DYNC2H1: variants seen among roughly 807,000 people sequenced by gnomAD.
The protein encoded by DYNC2H1 is dynein cytoplasmic 2 heavy chain 1, also known as cytoplasmic dynein 2 heavy chain 1.
In DYNC2H1, 410 loss-of-function variants were observed where a neutral mutation model predicts 570.0. The ratio of observed to expected loss-of-function variants is 0.72; its 90% CI spans 0.66 to 0.78. The LOEUF (loss-of-function observed/expected upper bound fraction) is 0.78, where lower values mean the gene tolerates loss of function less well. DYNC2H1 is among the 30% of genes least tolerant of loss of function. The probability of loss-of-function intolerance (pLI) is 0.00; values close to 1 mark genes in which losing one functional copy is unlikely to be tolerated. For synonymous variants in DYNC2H1, 1,688 were observed against 1,677.6 expected (o/e 1.01, Z -0.15); for missense variants, 4,865 against 5,046.4 (o/e 0.96, Z 1.09).
intron 84 of DYNC2H1, among the ~76,000 whole-genome samples, chr11:103,424,718 A>AAAG (rs72522028): frequency 6.6e-6 from 1 of 151,884 alleles, no homozygotes; most frequent in African/African-American, 2.4e-5. Flanking sequence ...AAAAAAAAAA[A>AAAG]AAGAGGAGGC....
intron 75 of DYNC2H1, among the ~76,000 whole-genome samples, chr11:103,291,011 A>G (rs572801562): frequency 6.6e-6 from 1 of 152,172 alleles, no homozygotes; most frequent in Non-Finnish European, 1.5e-5. Context: ...GCAGCCATGG[A>G]TGGGGGAGTG....
At chr11:103,175,423 C>A (rs76718633) in intron 36 of DYNC2H1, among the ~76,000 whole-genome samples, 2,261 of 152,096 alleles carry the variant, frequency 0.015, 54 homozygotes, top group African/African-American at 0.051. Flanking sequence ...TAAACCATAC[C>A]TGTAATAAGT....
rs992253213 is a variant in DYNC2H1 at position 103,151,336 on chromosome 11, C to T, written c.2947-800C>T. On this transcript the variant is annotated intron_variant, in intron 20 of 88. Coordinates refer to ENST00000375735, the MANE Select transcript of DYNC2H1 (RefSeq NM_001377.3). The surrounding 1 kb of genome is among the most constrained non-coding windows in gnomAD (Gnocchi z 4.6). ...TAGGTTAATCTTAATCCCCTCGCCT[C>T]GGCCTCCCAAAGTGCTAGGATTACA... is the stretch of plus-strand genomic sequence containing the variant. Among the ~76,000 whole-genome samples the T allele has an allele frequency of 6.6e-6, 1 of 152,110 alleles. No individual in the cohort carries two copies. Among genetic ancestry groups the T allele is most frequent in the East Asian group, 1.9e-4 (1 of 5,192 alleles).
At position 103,465,203 on chromosome 11, in the gene DYNC2H1, T is replaced by G. The variant is rs1945157230; in HGVS notation, c.12649-3386T>G. On this transcript the variant is annotated intron_variant, in intron 87 of 88. Coordinates refer to ENST00000375735, the MANE Select transcript of DYNC2H1 (RefSeq NM_001377.3). The surrounding 1 kb of genome is among the most constrained non-coding windows in gnomAD (Gnocchi z 4.9). ...AAATATATGACTATTGTAAACATATTAATCCTACCAATTAAGAGAGATTAT... is the reference window on the plus strand; with the variant it reads ...AAATATATGACTATTGTAAACATATGAATCCTACCAATTAAGAGAGATTAT... Among the ~76,000 whole-genome samples, 4 of 152,152 alleles carry G rather than the reference T, an allele frequency of 2.6e-5. 1 individual carries two copies. In the South Asian group the frequency reaches 8.3e-4, roughly 32 times the overall value.
chr11:103,242,944 C>G (rs1476544124), intron 63 of DYNC2H1, among the ~76,000 whole-genome samples: 1 of 152,132 alleles, frequency 6.6e-6, no homozygotes, highest in African/African-American at 2.4e-5. Context: ...TGGTCTTGAT[C>G]TCTTGACTTC....
At position 103,316,552 on chromosome 11, in the gene DYNC2H1, CA is replaced by C; in HGVS notation, c.11660del (p.Lys3887SerfsTer45). ...AAAATTGTTTTTTGACAGGGTTGGA[CA>C]AAGTTTTATGAATTTTCTTTATCAG... ...ERRNYIPQGW[T>X]KFYEFSLSDL... is the part of the protein sequence containing the mutation. On this transcript the variant is annotated frameshift_variant, in exon 80 of 89. Transcript: ENST00000375735. LOFTEE classifies it high-confidence loss of function. 6.4e-7 allele frequency: 1 copy of C among 1,550,712 alleles called. No homozygotes were observed. The highest frequency in any genetic ancestry group is 1.2e-5 in the South Asian group (1 of 80,074).
intron 54 of DYNC2H1, among the ~76,000 whole-genome samples, chr11:103,212,608 G>GT (rs1863201957): frequency 6.6e-6 from 1 of 151,784 alleles, no homozygotes; most frequent in Non-Finnish European, 1.5e-5. Context: ...TTTTCTTTCC[G>GT]TATTTCTTTA....
chr11:103,132,950 C>A (rs887541636), intron 13 of DYNC2H1, among the ~76,000 whole-genome samples: 1 of 151,944 alleles, frequency 6.6e-6, no homozygotes, highest in Non-Finnish European at 1.5e-5. Context: ...AGCTCAGCTC[C>A]TTGTTGAGCC....
chr11:103,373,332 A>G (rs1354273305), intron 83 of DYNC2H1, among the ~76,000 whole-genome samples: 1 of 152,166 alleles, frequency 6.6e-6, no homozygotes, highest in Non-Finnish European at 1.5e-5. Context: ...AGTTGCTCAT[A>G]AAAGTCTCTT....
chr11:103,301,031 A>G (rs1008656226), intron 75 of DYNC2H1, among the ~76,000 whole-genome samples: 15 of 151,944 alleles, frequency 9.9e-5, no homozygotes, highest in Non-Finnish European at 2.1e-4. Context: ...GTATTCCATC[A>G]TTAACACTAA....
chr11:103,162,945 G>A (rs977750694), intron 29 of DYNC2H1, 83 bp from the exon 30 acceptor site: 39 of 1,248,480 alleles, frequency 3.1e-5, no homozygotes, highest in Admixed American at 6.5e-5. Flanking sequence ...TTAGTAGATT[G>A]TATATTTATT....
In DYNC2H1 at chr11:103,345,559, A is replaced by G. The variant is rs985542907; in HGVS notation, c.12040-12684A>G. Among the ~76,000 whole-genome samples, 26 of 152,142 alleles carry G rather than the reference A, an allele frequency of 1.7e-4. 1 individual carries two copies. The highest frequency in any genetic ancestry group is 5.5e-4 in the African/African-American group (23 of 41,498). ...ATTGTGATCTTGATTCACATTTTTTATTGCTGTGGAGACAGTATGCATCTT... is the reference window on the plus strand; with the variant it reads ...ATTGTGATCTTGATTCACATTTTTTGTTGCTGTGGAGACAGTATGCATCTT... On this transcript the variant is annotated intron_variant, in intron 82 of 88. Transcript: ENST00000375735.
intron 74 of DYNC2H1, among the ~76,000 whole-genome samples, chr11:103,286,732 CAG>C (rs1229223126): frequency 2.0e-5 from 3 of 152,104 alleles, no homozygotes; most frequent in East Asian, 3.9e-4. Flanking sequence ...TAGTGAGTAA[CAG>C]GGGATTTTTC....
Position 103,280,211 on chromosome 11 carries a change from A to T in DYNC2H1, c.10696-137A>T. Reference sequence around the variant, plus strand: ...CTAAGATGTAGAAAGCAATCTGAATAGTAATTTCTTACATCGATAAAAAAG... The same window carrying T: ...CTAAGATGTAGAAAGCAATCTGAATTGTAATTTCTTACATCGATAAAAAAG... On this transcript the variant is annotated intron_variant, in intron 70 of 88. Transcript: ENST00000375735. The surrounding 1 kb of genome is among the most constrained non-coding windows in gnomAD (Gnocchi z 4.7). 1.3e-6 allele frequency: 1 copy of T among 789,214 alleles called. No individual in the cohort carries two copies. Among genetic ancestry groups the T allele is most frequent in the South Asian group, 1.8e-5 (1 of 56,094 alleles). 48.9% of individuals were successfully genotyped at this position (789,214 alleles called of 1,614,324 possible).
At position 103,199,584 on chromosome 11, in the gene DYNC2H1, A is replaced by T; in HGVS notation, c.8088+108A>T. On this transcript the variant is annotated intron_variant, in intron 49 of 88. Coordinates refer to ENST00000375735, the MANE Select transcript of DYNC2H1 (RefSeq NM_001377.3). The surrounding 1 kb of genome is among the most constrained non-coding windows in gnomAD (Gnocchi z 4.6). Reference sequence around the variant, plus strand: ...TTAAAGAACTAAAGTTTTAAAGAACATCTTTAAAGAACTAAAGTTCTCTGT... The same window carrying T: ...TTAAAGAACTAAAGTTTTAAAGAACTTCTTTAAAGAACTAAAGTTCTCTGT... The T allele has an allele frequency of 4.6e-6, 5 of 1,081,642 alleles. No individual in the cohort carries two copies. The highest frequency in any genetic ancestry group is 6.1e-6 in the Non-Finnish European group (5 of 813,166). The allele number at this position is 1,081,642 out of a possible 1,614,324, so 67.0% of individuals were successfully genotyped here.
chr11:103,208,508 G>C (rs1863024625), intron 52 of DYNC2H1, among the ~76,000 whole-genome samples: 1 of 152,146 alleles, frequency 6.6e-6, no homozygotes, highest in South Asian at 2.1e-4. Flanking sequence ...TGCATGGTGT[G>C]CTTGGGAAAC....
At chr11:103,281,373 T>G (rs1467172333) in intron 71 of DYNC2H1, among the ~76,000 whole-genome samples, 1 of 151,978 alleles carries the variant, frequency 6.6e-6, no homozygotes, top group African/African-American at 2.4e-5. Context: ...TATTCCTTAT[T>G]TTTCTCTCCT....
At chr11:103,174,952 G>C (rs933523589) in intron 36 of DYNC2H1, among the ~76,000 whole-genome samples, 6 of 146,428 alleles carry the variant, frequency 4.1e-5, no homozygotes, top group Admixed American at 6.9e-5. Context: ...GGGGTGGGGT[G>C]GGGGGTAGTA....
intron 81 of DYNC2H1, among the ~76,000 whole-genome samples, chr11:103,323,364 T>G (rs890421980): frequency 1.3e-5 from 2 of 152,064 alleles, no homozygotes; most frequent in African/African-American, 4.8e-5. Context: ...AACTGAAGAC[T>G]AACTGGAATT....
Sources: gnomAD v4.1 joint callset for allele counts (sites outside exome capture counted in the v4.1 genomes callset) on GRCh38, gnomAD v4.1.1 for gene constraint, Gnocchi (gnomAD v3.1) non-coding constraint, MANE v1.5 for transcripts, NCBI Gene and HGNC (gene_info 2026-07-23, HGNC 2026-07-21) for gene names.